The following CPEB3 variants were observed in gnomAD, a reference collection of about 807,000 sequenced individuals.
CPEB3 encodes cytoplasmic polyadenylation element-binding protein 3.
A neutral mutation model predicts 67.2 loss-of-function variants in CPEB3; 20 were observed. The ratio of observed to expected loss-of-function variants is 0.30; its 90% CI spans 0.21 to 0.43. The LOEUF (loss-of-function observed/expected upper bound fraction) is 0.43, where lower values mean the gene tolerates loss of function less well. Ranked by LOEUF, CPEB3 falls within the 20% of genes least tolerant of loss-of-function variation. The pLI is 1.00. For missense variants in CPEB3, 746 were observed against 968.6 expected, an observed-to-expected ratio of 0.77 and a Z score of 3.05; for synonymous variants, 376 against 393.1, an observed-to-expected ratio of 0.96 and a Z score of 0.51.
At chr10:92,130,677 C>G (rs1444343913) in intron 6 of CPEB3, among the ~76,000 whole-genome samples, 2 of 149,074 alleles carry the variant, frequency 1.3e-5, no homozygotes, top group Admixed American at 6.7e-5. Context: ...TTTTTGCCAC[C>G]AACTGAGGTC....
At chr10:92,253,564 A>G (rs749674893) in intron 1 of CPEB3, among the ~76,000 whole-genome samples, 33 of 151,852 alleles carry the variant, frequency 2.2e-4, no homozygotes, top group South Asian at 4.2e-4. Flanking sequence ...CAGTACTTCC[A>G]TAAAGTTTAC....
chr10:92,086,083 GAGAT>G (rs1843358635), intron 8 of CPEB3, among the ~76,000 whole-genome samples: 1 of 152,128 alleles, frequency 6.6e-6, no homozygotes, highest in Non-Finnish European at 1.5e-5. Context: ...AGAGCCAAAC[GAGAT>G]AGAGTAGAAA....
chr10:92,276,335 A>G (rs1408684311), intron 1 of CPEB3, among the ~76,000 whole-genome samples: 1 of 139,226 alleles, frequency 7.2e-6, no homozygotes, highest in African/African-American at 2.8e-5. Flanking sequence ...TTGGAGTGCA[A>G]TGGCACGATC....
intron 4 of CPEB3, among the ~76,000 whole-genome samples, chr10:92,176,049 C>A (rs1848208962): frequency 6.6e-6 from 1 of 152,122 alleles, no homozygotes; most frequent in African/African-American, 2.4e-5. Context: ...CGAGATTACA[C>A]CACTGTACTC....
chr10:92,283,805 C>A (rs1842408284), intron 1 of CPEB3, among the ~76,000 whole-genome samples: 1 of 146,312 alleles, frequency 6.8e-6, no homozygotes, highest in Non-Finnish European at 1.5e-5. Context: ...CGGCTCACTG[C>A]AACCTCTGCC....
At chr10:92,105,754 C>G (rs953493641) in intron 7 of CPEB3, among the ~76,000 whole-genome samples, 1 of 128,208 alleles carries the variant, frequency 7.8e-6, no homozygotes, top group Non-Finnish European at 1.6e-5. Flanking sequence ...GAGTCCTGCT[C>G]TGTCTCCCAG....
At chr10:92,253,236 C>T (rs1852372684) in intron 1 of CPEB3, among the ~76,000 whole-genome samples, 1 of 151,614 alleles carries the variant, frequency 6.6e-6, no homozygotes, top group Non-Finnish European at 1.5e-5. Flanking sequence ...CCGAGGCAGG[C>T]GGATCACAAG....
In CPEB3 at chr10:92,081,347, C is replaced by T; in HGVS notation, c.1842G>A (p.Gln614=). ...YIAAISARFV[Q]LQHNDIDKRV... ...GTTTGTCAATGTCATTGTGCTGAAG[C>T]TGCACAAAACGAGCGCTGATGGCTG... Residue 614 remains glutamine (Q), a synonymous_variant, in exon 9 of 10, where the codon CAG becomes CAA. Coordinates refer to ENST00000265997, the MANE Select transcript of CPEB3 (RefSeq NM_014912.5). 1 of 1,614,210 alleles carries T rather than the reference C, an allele frequency of 6.2e-7. No homozygotes were observed. Among genetic ancestry groups the T allele is most frequent in the Non-Finnish European group, 8.5e-7 (1 of 1,180,038 alleles).
chr10:92,109,929 T>C (rs1408168898), intron 7 of CPEB3, among the ~76,000 whole-genome samples: 1 of 152,212 alleles, frequency 6.6e-6, no homozygotes, highest in Non-Finnish European at 1.5e-5. Context: ...TATGTAGGAC[T>C]GACAACATTA....
chr10:92,159,712 T>G (rs1304510731), intron 4 of CPEB3, among the ~76,000 whole-genome samples: 1 of 152,022 alleles, frequency 6.6e-6, no homozygotes, highest in Non-Finnish European at 1.5e-5. Context: ...ACAAAAAAAC[T>G]ATTTATTCCA....
At chr10:92,187,851 C>T (rs2134138048) in intron 3 of CPEB3, among the ~76,000 whole-genome samples, 1 of 152,300 alleles carries the variant, frequency 6.6e-6, no homozygotes, top group East Asian at 1.9e-4. Flanking sequence ...AGAACAGTTG[C>T]TCCCTCCTAC....
chr10:92,124,913 A>G (rs1452093235), intron 6 of CPEB3, among the ~76,000 whole-genome samples: 2 of 152,222 alleles, frequency 1.3e-5, no homozygotes, highest in African/African-American at 2.4e-5. Flanking sequence ...TGCCCACTCA[A>G]AGTAGATTCC....
Position 92,120,581 on chromosome 10 carries a change from C to CA in CPEB3, c.1454-9388dup, listed in dbSNP as rs528769837. On this transcript the variant is annotated intron_variant, in intron 6 of 9. Transcript: ENST00000265997. ...CCTGGGTGACAGAGCGAGACTGTCT[C>CA]AAAAAAAACAAAAAACAAAAAACAA... Among the ~76,000 whole-genome samples, 183 of 150,038 alleles carry CA rather than the reference C, an allele frequency of 1.2e-3. 1 individual carries two copies. The highest frequency in any genetic ancestry group is 4.0e-3 in the African/African-American group (164 of 40,856).
chr10:92,052,559 C>T, intron 9 of CPEB3, 120 bp from the exon 10 acceptor site: 1 of 780,842 alleles, frequency 1.3e-6, no homozygotes, highest in Non-Finnish European at 2.1e-6. Flanking sequence ...GCTTTCAACT[C>T]TGCTGATACT....
chr10:92,240,115 G>A lies in CPEB3; in HGVS notation c.236C>T (p.Pro79Leu), dbSNP rs1178109412. ...AGGAGGCTGATGGAAACTCAAGCCT[G>A]GCAGGAGCGGTGATTCCATCTGCAT... Reference protein sequence around the residue: ...DKMQMESPLLPGLSFHQPPQQ... With the variant: ...DKMQMESPLLLGLSFHQPPQQ... Residue 79 changes from proline to leucine, a missense_variant, in exon 2 of 10, where the codon CCA (proline) becomes CTA (leucine). By Grantham distance (98) the Pro-to-Leu change is moderately conservative. This residue lies in a region of CPEB3 where 643 missense variants were observed against 717.5 expected (regional missense o/e 0.90). Coordinates refer to ENST00000265997, the MANE Select transcript of CPEB3 (RefSeq NM_014912.5). The A allele has an allele frequency of 6.3e-7, 1 of 1,576,180 alleles. No homozygotes were observed. The highest frequency in any genetic ancestry group is 8.6e-7 in the Non-Finnish European group (1 of 1,160,504).
chr10:92,257,416 C>T (rs892722559), intron 1 of CPEB3, among the ~76,000 whole-genome samples: 3 of 152,012 alleles, frequency 2.0e-5, no homozygotes, highest in Non-Finnish European at 4.4e-5. Flanking sequence ...TGCCTCAGTC[C>T]CCCAAGTAGC....
intron 2 of CPEB3, among the ~76,000 whole-genome samples, chr10:92,230,748 G>A (rs937759753): frequency 6.6e-6 from 1 of 152,172 alleles, no homozygotes; most frequent in African/African-American, 2.4e-5. Context: ...CTACCCACAA[G>A]GTATAAGGAC....
At chr10:92,194,138 C>T (rs893554763) in intron 2 of CPEB3, among the ~76,000 whole-genome samples, 1 of 149,862 alleles carries the variant, frequency 6.7e-6, no homozygotes, top group Admixed American at 6.7e-5. Context: ...ATATTGGATA[C>T]ACTTTTTAAA....
At chr10:92,134,519 C>T (rs1845995803) in intron 6 of CPEB3, among the ~76,000 whole-genome samples, 1 of 151,780 alleles carries the variant, frequency 6.6e-6, no homozygotes, top group Non-Finnish European at 1.5e-5. Flanking sequence ...AAAGAGGATA[C>T]AAACAAATGG....
Sources: allele counts gnomAD v4.1 joint callset (sites outside exome capture counted in the v4.1 genomes callset), GRCh38; gene constraint gnomAD v4.1.1; regional missense constraint gnomAD v4.1.1; transcripts MANE v1.5; gene names NCBI Gene and HGNC (gene_info 2026-07-23, HGNC 2026-07-21).